Variants in SPTLC1 observed in about 807,000 individuals in gnomAD.
SPTLC1 encodes the protein serine palmitoyltransferase 1.
A neutral mutation model predicts 68.9 loss-of-function variants in SPTLC1; 55 were observed. The ratio of observed to expected loss-of-function variants is 0.80; its 90% CI spans 0.64 to 1.00. SPTLC1 has a LOEUF of 1.00. SPTLC1 is among the 50% of genes least tolerant of loss of function. SPTLC1 has a pLI of 0.00. For synonymous variants in SPTLC1, 197 were observed against 201.6 expected (o/e 0.98, Z 0.19); for missense variants, 449 against 573.1 (o/e 0.78, Z 2.21).
intron 6 of SPTLC1, among the ~76,000 whole-genome samples, chr9:92,063,264 T>G (rs1433747223): frequency 6.6e-6 from 1 of 152,144 alleles, no homozygotes; most frequent in Non-Finnish European, 1.5e-5. Flanking sequence ...ATCTGACAAC[T>G]TTTAAGAAAT....
chr9:92,073,252 T>C (rs2118634334), intron 5 of SPTLC1, among the ~76,000 whole-genome samples: 1 of 152,290 alleles, frequency 6.6e-6, no homozygotes, highest in South Asian at 2.1e-4. Context: ...AGAATTCCAA[T>C]ACTTAACACA....
intron 9 of SPTLC1, among the ~76,000 whole-genome samples, chr9:92,049,750 C>G (rs1250355310): frequency 6.6e-6 from 1 of 152,176 alleles, no homozygotes; most frequent in Non-Finnish European, 1.5e-5. Context: ...ACTACCCACT[C>G]CGAGTTTATA....
intron 7 of SPTLC1, among the ~76,000 whole-genome samples, chr9:92,057,631 C>T (rs1198058761): frequency 2.0e-5 from 3 of 152,144 alleles, no homozygotes; most frequent in South Asian, 4.1e-4. Context: ...CTGTTCATAT[C>T]CACTGACCAT....
At chr9:92,107,871 TACTC>T (rs1291327576) in intron 3 of SPTLC1, 1 of 152,240 alleles carries the variant, frequency 6.6e-6, no homozygotes, top group Non-Finnish European at 1.5e-5. Context: ...AGAACAATAC[TACTC>T]AGGAAAATAT....
chr9:92,088,052 G>C (rs548860972), intron 3 of SPTLC1, among the ~76,000 whole-genome samples: 5 of 152,272 alleles, frequency 3.3e-5, no homozygotes, highest in African/African-American at 7.2e-5. Context: ...CTCCGAGCCA[G>C]GTGAGGGATA....
At chr9:92,061,873 T>A (rs908448807) in intron 6 of SPTLC1, among the ~76,000 whole-genome samples, 2 of 152,054 alleles carry the variant, frequency 1.3e-5, no homozygotes, top group Non-Finnish European at 2.9e-5. Flanking sequence ...TAAAAACATG[T>A]TCAATTAGCC....
chr9:92,086,155 T>C lies in SPTLC1; in HGVS notation c.261-5192A>G, dbSNP rs1438642851. Among the ~76,000 whole-genome samples the C allele has an allele frequency of 2.0e-5, 3 of 152,190 alleles. No homozygotes were observed. In the East Asian group the frequency reaches 5.8e-4, roughly 29 times the overall value. Reference sequence around the variant, plus strand: ...GTGTGTCTCTGCACGTGAGATGGGTTTCCTGAATGCAGCACACTGATGGGT... The same window carrying C: ...GTGTGTCTCTGCACGTGAGATGGGTCTCCTGAATGCAGCACACTGATGGGT... On this transcript the variant is annotated intron_variant, in intron 3 of 14. Transcript: ENST00000262554.
chr9:92,074,542 T>G (rs372646131), intron 5 of SPTLC1, among the ~76,000 whole-genome samples: 2 of 152,044 alleles, frequency 1.3e-5, no homozygotes, highest in African/African-American at 4.8e-5. Flanking sequence ...CGCCTGCAAC[T>G]GATCATTCAC....
intron 7 of SPTLC1, among the ~76,000 whole-genome samples, chr9:92,058,698 G>C (rs1282357189): frequency 6.6e-6 from 1 of 152,194 alleles, no homozygotes; most frequent in Non-Finnish European, 1.5e-5. Flanking sequence ...GCTGCTCAGA[G>C]CAGGATACAG....
rs1291651685 is a variant in SPTLC1, at chr9:92,032,286, T to A, written c.*179A>T. The A allele has an allele frequency of 2.2e-5, 33 of 1,532,358 alleles. No homozygotes were observed. Among genetic ancestry groups the A allele is most frequent in the Non-Finnish European group, 2.9e-5 (33 of 1,145,120 alleles). The allele number at this position is 1,532,358 out of a possible 1,614,324, so 94.9% of individuals were successfully genotyped here. On this transcript the variant is annotated 3_prime_UTR_variant, in exon 15 of 15. Coordinates refer to ENST00000262554, the MANE Select transcript of SPTLC1 (RefSeq NM_006415.4). ...TGGGCTTTTAGATGTGTTTTCTTTT[T>A]AAAAAAAATAAGCATCCTTCTCATG...
intron 8 of SPTLC1, 56 bp from the exon 9 acceptor site, chr9:92,050,123 A>C: frequency 4.4e-6 from 5 of 1,123,598 alleles, no homozygotes; most frequent in Non-Finnish European, 6.8e-6. Flanking sequence ...AGAACATATT[A>C]TGGAGAAAAA....
intron 8 of SPTLC1, chr9:92,050,394 T>A (rs1193534077): frequency 3.2e-6 from 1 of 312,698 alleles, no homozygotes; most frequent in Non-Finnish European, 6.2e-6. Flanking sequence ...TGCCACTTTT[T>A]TGGACTTCTG....
At chr9:92,057,557 A>G (rs1833939333) in intron 7 of SPTLC1, among the ~76,000 whole-genome samples, 1 of 152,220 alleles carries the variant, frequency 6.6e-6, no homozygotes, top group African/African-American at 2.4e-5. Context: ...AATCTCCTTA[A>G]TTATTAGTGA....
At chr9:92,054,917 G>A (rs7046330) in intron 8 of SPTLC1, among the ~76,000 whole-genome samples, 44,140 of 135,686 alleles carry the variant, frequency 0.33, 11,974 homozygotes, top group African/African-American at 0.73. Context: ...TTGCGGGGGA[G>A]AAAAAAAAAG....
At chr9:92,113,900 G>C (rs1020260522) in intron 1 of SPTLC1, among the ~76,000 whole-genome samples, 2 of 152,184 alleles carry the variant, frequency 1.3e-5, no homozygotes, top group African/African-American at 2.4e-5. Flanking sequence ...TTTGTTCACC[G>C]CACTATCCCT....
At chr9:92,053,991 C>CT (rs1230963770) in intron 8 of SPTLC1, 3 of 985,214 alleles carry the variant, frequency 3.0e-6, no homozygotes, top group Non-Finnish European at 3.6e-6. Flanking sequence ...TATTAAAAAG[C>CT]TAAGTTTTGG....
At chr9:92,102,468 A>G (rs1327748448) in intron 3 of SPTLC1, among the ~76,000 whole-genome samples, 1 of 152,238 alleles carries the variant, frequency 6.6e-6, no homozygotes, top group Non-Finnish European at 1.5e-5. Flanking sequence ...ATCTACAATG[A>G]GTTATTAATA....
In SPTLC1 at chr9:92,047,414, G is replaced by A. The variant is rs752660713; in HGVS notation, c.985-146C>T. The A allele has an allele frequency of 5.4e-5, 42 of 773,694 alleles. 1 individual carries two copies. The highest frequency in any genetic ancestry group is 3.0e-5 in the South Asian group (2 of 65,674). 47.9% of individuals were successfully genotyped at this position (773,694 alleles called of 1,614,324 possible). ...ATCCAGCCATAAATAAACATTATAC[G>A]TGTAACAGCAACAAGACTTTTTGTT... On this transcript the variant is annotated intron_variant, in intron 10 of 14. Transcript: ENST00000262554.
chr9:92,079,806 C>T lies in SPTLC1; in HGVS notation c.427+210G>A. 4.6e-6 allele frequency: 3 copies of T among 656,438 alleles called. No homozygotes were observed. In the South Asian group the frequency reaches 5.3e-5, roughly 12 times the overall value. 40.7% of individuals were successfully genotyped at this position (656,438 alleles called of 1,614,324 possible). On this transcript the variant is annotated intron_variant, in intron 5 of 14. Coordinates refer to ENST00000262554, the MANE Select transcript of SPTLC1 (RefSeq NM_006415.4). Reference sequence around the variant, plus strand: ...CCACACATGCACACGAGGATGAGCCCACCATGCCCGGCTAATTTTATTATT... The same window carrying T: ...CCACACATGCACACGAGGATGAGCCTACCATGCCCGGCTAATTTTATTATT...
Sources: gnomAD v4.1 joint callset for allele counts (sites outside exome capture counted in the v4.1 genomes callset) on GRCh38, gnomAD v4.1.1 for gene constraint, MANE v1.5 for transcripts, NCBI Gene and HGNC (gene_info 2026-07-23, HGNC 2026-07-21) for gene names.